WDR33: variants seen among roughly 807,000 people sequenced by gnomAD.
The protein encoded by WDR33 is pre-mRNA 3' end processing protein WDR33.
A neutral mutation model predicts 164.9 loss-of-function variants in WDR33; 47 were observed. The observed-to-expected ratio is 0.29, with a 90% CI of 0.23 to 0.36. The LOEUF is 0.36. Ranked by LOEUF, WDR33 falls within the 10% of genes least tolerant of loss-of-function variation. The probability of loss-of-function intolerance (pLI) is 1.00; values close to 1 mark genes in which losing one functional copy is unlikely to be tolerated. For missense variants in WDR33, 1,137 were observed against 1,754.1 expected (o/e 0.65, Z 6.28); for synonymous variants, 505 against 589.0 (o/e 0.86, Z 2.06).
intron 1 of WDR33, among the ~76,000 whole-genome samples, chr2:127,795,809 G>A (rs1322583060): frequency 6.6e-6 from 1 of 151,238 alleles, no homozygotes; most frequent in Non-Finnish European, 1.5e-5. Flanking sequence ...ACTCTAGCCT[G>A]GGCAACACAG....
intron 1 of WDR33, among the ~76,000 whole-genome samples, chr2:127,788,475 G>A (rs1259177293): frequency 1.7e-5 from 2 of 117,828 alleles, no homozygotes; most frequent in Non-Finnish European, 3.5e-5. Context: ...GCGGGGGGCT[G>A]ACACCCCCAC....
rs1193252579 is a variant in WDR33, at chr2:127,723,807, T to A, written c.1197-460A>T. On this transcript the variant is annotated intron_variant, in intron 11 of 21. Transcript: ENST00000322313. The surrounding 1 kb of genome is among the most constrained non-coding windows in gnomAD (Gnocchi z 5.9). ...AAATAAAATGTGGGGCCGGGCAAGG[T>A]GGCTCATGCCTGTAATCCCAGCACC... Among the ~76,000 whole-genome samples the A allele has an allele frequency of 6.6e-6, 1 of 152,028 alleles. No individual in the cohort carries two copies. The highest frequency in any genetic ancestry group is 1.5e-5 in the Non-Finnish European group (1 of 67,984).
chr2:127,771,328 C>G (rs1251493831), intron 1 of WDR33, among the ~76,000 whole-genome samples: 1 of 152,208 alleles, frequency 6.6e-6, no homozygotes. Context: ...TGTTACTTTA[C>G]TGAATGCTGG....
intron 1 of WDR33, among the ~76,000 whole-genome samples, chr2:127,786,841 GTTCT>G (rs1421666492): frequency 5.3e-4 from 48 of 90,076 alleles, no homozygotes; most frequent in Non-Finnish European, 9.6e-4. Context: ...CTTCCTTTCT[GTTCT>G]TTTTTTTTTT....
In WDR33 at chr2:127,770,968, A is replaced by G. The variant is rs777177845; in HGVS notation, c.14T>C (p.Ile5Thr). The change falls in exon 2 of 22, where the codon ATT (isoleucine) becomes ACT (threonine). Residue 5 changes from isoleucine (I) to threonine (T), a missense_variant. Coordinates refer to ENST00000322313, the MANE Select transcript of WDR33 (RefSeq NM_018383.5). The surrounding 1 kb of genome is among the most constrained non-coding windows in gnomAD (Gnocchi z 4.9). MATE[I>T]GSPPRFFHMP... Reference sequence around the variant, plus strand: ...ATGGAAAAAACGAGGAGGAGAACCAATTTCTGTAGCCATGGTGATGTTTTC... The same window carrying G: ...ATGGAAAAAACGAGGAGGAGAACCAGTTTCTGTAGCCATGGTGATGTTTTC... 6.2e-7 allele frequency: 1 copy of G among 1,613,744 alleles called. No individual in the cohort carries two copies. Among genetic ancestry groups the G allele is most frequent in the African/African-American group, 1.3e-5 (1 of 74,914 alleles).
intron 1 of WDR33, among the ~76,000 whole-genome samples, chr2:127,787,718 A>T (rs867030001): frequency 4.5e-5 from 2 of 44,798 alleles, no homozygotes; most frequent in South Asian, 1.1e-3. Flanking sequence ...GGGGGCTGAC[A>T]CCCCCACCTC....
intron 9 of WDR33, 35 bp downstream of exon 9, chr2:127,725,026 C>T: frequency 6.2e-7 from 1 of 1,614,132 alleles, no homozygotes; most frequent in Non-Finnish European, 8.5e-7. Flanking sequence ...TTACAGGTAA[C>T]AGTGGTCAAT....
chr2:127,725,255 A>G, intron 8 of WDR33, 40 bp from the exon 9 acceptor site: 1 of 1,564,734 alleles, frequency 6.4e-7, no homozygotes, highest in Non-Finnish European at 8.6e-7. Context: ...AGAATTCAAA[A>G]CAAGTATAAA....
rs1686819155 is a variant in WDR33 at position 127,735,639 on chromosome 2, T to C, written c.725-8862A>G. On this transcript the variant is annotated intron_variant, in intron 7 of 21. Transcript: ENST00000322313. The surrounding 1 kb of genome is among the most constrained non-coding windows in gnomAD (Gnocchi z 4.3). Reference sequence around the variant, plus strand: ...ATTAACAGCAAACTCAGGCTACTTCTAGCCACAAGAACATAAAATGTAACA... The same window carrying C: ...ATTAACAGCAAACTCAGGCTACTTCCAGCCACAAGAACATAAAATGTAACA... 2 of 985,728 alleles carry C rather than the reference T, an allele frequency of 2.0e-6. No homozygotes were observed. Among genetic ancestry groups the C allele is most frequent in the African/African-American group, 3.5e-5 (2 of 57,232 alleles). The allele number at this position is 985,728 out of a possible 1,614,324, so 61.1% of individuals were successfully genotyped here.
In WDR33 at chr2:127,720,358, A is replaced by G. The variant is rs1686407874; in HGVS notation, c.1672-5T>C. On this transcript the variant is annotated splice_polypyrimidine_tract_variant and splice_region_variant and intron_variant, in intron 15 of 21. Coordinates refer to ENST00000322313, the MANE Select transcript of WDR33 (RefSeq NM_018383.5). The surrounding 1 kb of genome is among the most constrained non-coding windows in gnomAD (Gnocchi z 5.9). ...AAGTCTTTCAATTTTAAGTTGCTGG[A>G]AAGAAAGAAAGAAAAAAGCATGTTG... The G allele has an allele frequency of 2.0e-6, 3 of 1,498,140 alleles. No individual in the cohort carries two copies. The highest frequency in any genetic ancestry group is 2.7e-6 in the Non-Finnish European group (3 of 1,124,520). The allele number at this position is 1,498,140 out of a possible 1,614,324, so 92.8% of individuals were successfully genotyped here.
chr2:127,718,490 G>A lies in WDR33; in HGVS notation c.2760+775C>T, dbSNP rs758695455. Among the ~76,000 whole-genome samples the A allele has an allele frequency of 2.6e-5, 4 of 152,042 alleles. No homozygotes were observed. The highest frequency in any genetic ancestry group is 4.8e-5 in the African/African-American group (2 of 41,382). ...TATTTATGCTCATGCAATTCTTTTC[G>A]TAATTCACTCCCCCAAGCAACCTGA... On this transcript the variant is annotated intron_variant, in intron 16 of 21. Transcript: ENST00000322313. The surrounding 1 kb of genome is among the most constrained non-coding windows in gnomAD (Gnocchi z 4.4).
rs554051650 is a variant in WDR33, at chr2:127,803,116, TA to T, written c.-24+7895del. 1.9e-4 allele frequency among the ~76,000 whole-genome samples: 29 copies of T among 152,212 alleles called. No homozygotes were observed. The East Asian group carries it at 5.6e-3, about 29-fold the overall frequency. ...ACAAGCTGAAAAATGTTATTTCAAG[TA>T]ACTTTTGAAGAAAGTTCATCTTTAA... On this transcript the variant is annotated intron_variant, in intron 1 of 21. Transcript: ENST00000322313.
intron 21 of WDR33, among the ~76,000 whole-genome samples, chr2:127,707,453 T>C (rs1252173619): frequency 6.6e-6 from 1 of 152,104 alleles, no homozygotes; most frequent in African/African-American, 2.4e-5. Context: ...CTTCTTTTCT[T>C]AGAAAGTGCA....
chr2:127,713,816 A>G lies in WDR33; in HGVS notation c.3075T>C (p.Phe1025=), dbSNP rs1686237699. ...RPDDFHPDKR[F]GHRLREFEGR... ...CCTCAAATTCACGTAACCGGTGGCCAAAGCGCTTGTCAGGGTGGAAGTCAT... is the reference window on the plus strand; with the variant it reads ...CCTCAAATTCACGTAACCGGTGGCCGAAGCGCTTGTCAGGGTGGAAGTCAT... Residue 1025 remains phenylalanine (F), a synonymous_variant, in exon 18 of 22, where the codon TTT becomes TTC. Transcript: ENST00000322313. This position sits in a 1 kb window ranked among gnomAD's most constrained non-coding sequence, Gnocchi z 6.2. 6.2e-7 allele frequency: 1 copy of G among 1,614,228 alleles called. No individual in the cohort carries two copies. The highest frequency in any genetic ancestry group is 2.2e-5 in the East Asian group (1 of 44,882).
At chr2:127,729,267 A>T (rs1686645196) in intron 7 of WDR33, among the ~76,000 whole-genome samples, 1 of 152,214 alleles carries the variant, frequency 6.6e-6, no homozygotes, top group South Asian at 2.1e-4. Flanking sequence ...TTGGGACCAC[A>T]CTGATGATAT....
rs1328503945 is a variant in WDR33, at chr2:127,717,050, T to A, written c.2869+105A>T. ...ACCACACCCTTATTTTGCCCAGAGGTTCAAATGACCAGTCTATCAATGACT... is the reference window on the plus strand; with the variant it reads ...ACCACACCCTTATTTTGCCCAGAGGATCAAATGACCAGTCTATCAATGACT... On this transcript the variant is annotated intron_variant, in intron 17 of 21. Coordinates refer to ENST00000322313, the MANE Select transcript of WDR33 (RefSeq NM_018383.5). This position sits in a 1 kb window ranked among gnomAD's most constrained non-coding sequence, Gnocchi z 5.6. 1 of 1,197,236 alleles carries A rather than the reference T, an allele frequency of 8.4e-7. No individual in the cohort carries two copies. The highest frequency in any genetic ancestry group is 1.2e-6 in the Non-Finnish European group (1 of 828,902). 74.2% of individuals were successfully genotyped at this position (1,197,236 alleles called of 1,614,324 possible). A position where few individuals can be genotyped will look rare whatever the true frequency, so the allele number is the denominator to read the frequency against.
Position 127,711,780 on chromosome 2 carries a change from A to AT in WDR33, c.3308+1802dup, listed in dbSNP as rs1158780905. On this transcript the variant is annotated intron_variant, in intron 18 of 21. Transcript: ENST00000322313. ...TATATATATATATATATATATATAT[A>AT]TTTTTTTTTTGAGACAGAGTCTCGC... 1.2e-3 allele frequency among the ~76,000 whole-genome samples: 109 copies of AT among 88,300 alleles called. 3 individuals carry two copies. The highest frequency in any genetic ancestry group is 7.1e-3 in the Middle Eastern group (1 of 140). 57.9% of individuals were successfully genotyped at this position (88,300 alleles called of 152,430 possible). A position where few individuals can be genotyped will look rare whatever the true frequency, so the allele number is the denominator to read the frequency against.
intron 7 of WDR33, among the ~76,000 whole-genome samples, chr2:127,730,901 TTTTG>T (rs147541330): frequency 0.016 from 2,451 of 152,032 alleles, 55 homozygotes; most frequent in African/African-American, 0.056. Flanking sequence ...TCTCGATTTT[TTTTG>T]TTTGTTTGTT....
At chr2:127,799,897 T>C (rs765534960) in intron 1 of WDR33, among the ~76,000 whole-genome samples, 9 of 151,954 alleles carry the variant, frequency 5.9e-5, no homozygotes, top group Non-Finnish European at 1.2e-4. Context: ...GTCTCTAAAA[T>C]ATATAAATAA....
Sources: allele counts gnomAD v4.1 joint callset (sites outside exome capture counted in the v4.1 genomes callset), GRCh38; gene constraint gnomAD v4.1.1; non-coding constraint Gnocchi (gnomAD v3.1); transcripts MANE v1.5; gene names NCBI Gene and HGNC (gene_info 2026-07-23, HGNC 2026-07-21).